The following ARHGAP18 variants were observed in gnomAD, a reference collection of about 807,000 sequenced individuals.
ARHGAP18 encodes Rho GTPase activating protein 18, also known as rho GTPase-activating protein 18.
ARHGAP18 carries 67 observed loss-of-function variants against 86.2 expected under a neutral mutation model. That is an observed-to-expected ratio of 0.78 (90% CI 0.64 to 0.95). The LOEUF (loss-of-function observed/expected upper bound fraction) is 0.95. Ranked by LOEUF, ARHGAP18 falls within the 40% of genes least tolerant of loss-of-function variation. The probability of loss-of-function intolerance (pLI) is 0.00; values close to 1 mark genes in which losing one functional copy is unlikely to be tolerated. For missense variants in ARHGAP18, 691 were observed against 780.4 expected (o/e 0.89, Z 1.37); for synonymous variants, 283 against 280.4 (o/e 1.01, Z -0.09).
At chr6:129,580,265 G>T in intron 13 of ARHGAP18, 134 bp from the exon 14 acceptor site, 2 of 691,656 alleles carry the variant, frequency 2.9e-6, no homozygotes, top group Non-Finnish European at 4.9e-6. Context: ...CTACACGTTT[G>T]TATTTTCCCA....
Position 129,577,857 on chromosome 6 carries a change from C to A in ARHGAP18, c.*656G>T, listed in dbSNP as rs139853137. ...GTAATAACTGGCAGCTTCTGACAGTCCTATTTTCTTGGTCGCTGATACGGT... is the reference window on the plus strand; with the variant it reads ...GTAATAACTGGCAGCTTCTGACAGTACTATTTTCTTGGTCGCTGATACGGT... On this transcript the variant is annotated 3_prime_UTR_variant, in exon 15 of 15. Transcript: ENST00000368149. 6.6e-6 allele frequency: 1 copy of A among 152,060 alleles called. No individual in the cohort carries two copies. The highest frequency in any genetic ancestry group is 2.1e-4 in the South Asian group (1 of 4,818). The allele number at this position is 152,060 out of a possible 1,614,324, so 9.4% of individuals were successfully genotyped here. A position where few individuals can be genotyped will look rare whatever the true frequency, so the allele number is the denominator to read the frequency against.
At chr6:129,614,889 G>T (rs1489557796) in intron 7 of ARHGAP18, among the ~76,000 whole-genome samples, 3 of 151,200 alleles carry the variant, frequency 2.0e-5, no homozygotes, top group Non-Finnish European at 4.4e-5. Context: ...CGGCAATTTT[G>T]CTTCAAGACT....
intron 1 of ARHGAP18, among the ~76,000 whole-genome samples, chr6:129,698,894 C>T (rs1460993753): frequency 2.6e-5 from 4 of 151,986 alleles, no homozygotes; most frequent in Non-Finnish European, 4.4e-5. Flanking sequence ...GGTTTCGCCA[C>T]GTTGGCCAGG....
At chr6:129,634,888 T>TA (rs5879956) in intron 3 of ARHGAP18, among the ~76,000 whole-genome samples, 29,940 of 146,002 alleles carry the variant, frequency 0.21, 3,099 homozygotes, top group Non-Finnish European at 0.24. Flanking sequence ...TTCTTCAAGT[T>TA]AAAAAAAAAA....
chr6:129,587,855 C>CATAA (rs1788429309), intron 12 of ARHGAP18, among the ~76,000 whole-genome samples: 1 of 152,280 alleles, frequency 6.6e-6, no homozygotes, highest in Admixed American at 6.5e-5. Flanking sequence ...CATTTCAAAA[C>CATAA]ATAATCATGC....
intron 2 of ARHGAP18, among the ~76,000 whole-genome samples, chr6:129,639,619 G>A (rs1194985769): frequency 2.6e-5 from 4 of 152,194 alleles, no homozygotes; most frequent in Non-Finnish European, 5.9e-5. Flanking sequence ...AGTCCTACCT[G>A]TCTGTCTTTC....
At chr6:129,667,650 AT>A (rs1774067805) in intron 1 of ARHGAP18, among the ~76,000 whole-genome samples, 1 of 151,918 alleles carries the variant, frequency 6.6e-6, no homozygotes, top group Non-Finnish European at 1.5e-5. Flanking sequence ...CTAGTAAGGC[AT>A]TGGCTATTCC....
chr6:129,683,063 T>G (rs12215655), intron 1 of ARHGAP18, among the ~76,000 whole-genome samples: 27 of 149,948 alleles, frequency 1.8e-4, no homozygotes, highest in East Asian at 1.2e-3. Flanking sequence ...TTCTTTTTTT[T>G]TTTTTGTTTT....
At chr6:129,676,911 TCC>T (rs1774242367) in intron 1 of ARHGAP18, among the ~76,000 whole-genome samples, 1 of 65,314 alleles carries the variant, frequency 1.5e-5, no homozygotes, top group Non-Finnish European at 4.0e-5. Context: ...AAATTTTTTG[TCC>T]TCTTTTTTTT....
rs577467230 is a variant in ARHGAP18, at chr6:129,633,136, A to G, written c.616+906T>C. On this transcript the variant is annotated intron_variant, in intron 4 of 14. Coordinates refer to ENST00000368149, the MANE Select transcript of ARHGAP18 (RefSeq NM_033515.3). The stretch of plus-strand genomic sequence containing the variant: ...TAGTAAGTACTAATAAAGCCTTAAT[A>G]GTAACTTTTGGCTGGGCATGGTGGC... Among the ~76,000 whole-genome samples the G allele has an allele frequency of 3.3e-3, 508 of 152,268 alleles. 3 individuals carry two copies. The highest frequency in any genetic ancestry group is 0.011 in the African/African-American group (473 of 41,552).
chr6:129,641,003 T>C (rs1310470283), intron 2 of ARHGAP18, among the ~76,000 whole-genome samples: 1 of 152,128 alleles, frequency 6.6e-6, no homozygotes. Context: ...GAATGGGAAA[T>C]ATGGCTGGAA....
intron 1 of ARHGAP18, among the ~76,000 whole-genome samples, chr6:129,695,138 T>A (rs1774591254): frequency 1.3e-5 from 2 of 151,844 alleles, no homozygotes; most frequent in African/African-American, 4.8e-5. Context: ...AAAAAAAAAA[T>A]AATGGCTTCT....
At chr6:129,603,006 A>G (rs1788779333) in intron 10 of ARHGAP18, among the ~76,000 whole-genome samples, 1 of 117,846 alleles carries the variant, frequency 8.5e-6, no homozygotes, top group Non-Finnish European at 1.9e-5. Context: ...TATATATATA[A>G]TTTCAATAGT....
intron 1 of ARHGAP18, among the ~76,000 whole-genome samples, chr6:129,677,287 A>T (rs1774253265): frequency 6.6e-6 from 1 of 152,056 alleles, no homozygotes; most frequent in South Asian, 2.1e-4. Flanking sequence ...CAGCTACTGA[A>T]GAGGCTGAGG....
chr6:129,627,694 A>G (rs928980218), intron 5 of ARHGAP18, among the ~76,000 whole-genome samples: 1 of 152,072 alleles, frequency 6.6e-6, no homozygotes, highest in African/African-American at 2.4e-5. Context: ...GGAGAGAGAA[A>G]GAAACAGAGA....
Position 129,584,022 on chromosome 6 carries a change from T to C in ARHGAP18, c.1804A>G (p.Ser602Gly), listed in dbSNP as rs1264483358. 2 of 1,613,746 alleles carry C rather than the reference T, an allele frequency of 1.2e-6. No individual in the cohort carries two copies. Among genetic ancestry groups the C allele is most frequent in the Admixed American group, 3.3e-5 (2 of 59,994 alleles). Residue 602 changes from serine (S) to glycine (G), a missense_variant, in exon 13 of 15, where the codon AGT (serine) becomes GGT (glycine). Coordinates refer to ENST00000368149, the MANE Select transcript of ARHGAP18 (RefSeq NM_033515.3). ...CTGAGAAACCTGGCAAGTACATCAC[T>C]GGCTTTTAGTTCTTCAGTTAGCTGT... The part of the protein sequence containing the change: ...AIQLTEELKA[S>G]DVLARFLSQE...
chr6:129,663,491 G>A (rs1388623462), intron 1 of ARHGAP18, among the ~76,000 whole-genome samples: 1 of 152,108 alleles, frequency 6.6e-6, no homozygotes, highest in South Asian at 2.1e-4. Flanking sequence ...ACTCAAATGT[G>A]AATATGGCAG....
At chr6:129,599,971 G>T (rs1446808702) in intron 11 of ARHGAP18, among the ~76,000 whole-genome samples, 1 of 151,910 alleles carries the variant, frequency 6.6e-6, no homozygotes, top group Non-Finnish European at 1.5e-5. Flanking sequence ...AAACACATTT[G>T]AAATCATCTA....
At chr6:129,697,498 A>T (rs1774640183) in intron 1 of ARHGAP18, among the ~76,000 whole-genome samples, 1 of 151,920 alleles carries the variant, frequency 6.6e-6, no homozygotes, top group Non-Finnish European at 1.5e-5. Context: ...TTTCTACCAA[A>T]ACCCACATTT....
Sources: allele counts gnomAD v4.1 joint callset (sites outside exome capture counted in the v4.1 genomes callset), GRCh38; gene constraint gnomAD v4.1.1; transcripts MANE v1.5; gene names NCBI Gene and HGNC (gene_info 2026-07-23, HGNC 2026-07-21).